The following ARAP2 variants were observed in gnomAD, a reference collection of about 807,000 sequenced individuals.
ARAP2 encodes ArfGAP with RhoGAP domain, ankyrin repeat and PH domain 2, also known as arf-GAP with Rho-GAP domain, ANK repeat and PH domain-containing protein 2.
ARAP2 carries 148 observed loss-of-function variants against 194.5 expected under a neutral mutation model. The ratio of observed to expected loss-of-function variants is 0.76; its 90% CI spans 0.67 to 0.87. ARAP2 has a LOEUF of 0.87. ARAP2 is among the 40% of genes least tolerant of loss of function. ARAP2 has a pLI of 0.00. For synonymous variants in ARAP2, 695 were observed against 683.5 expected (o/e 1.02, Z -0.26); for missense variants, 2,128 against 1,989.7 (o/e 1.07, Z -1.32).
At chr4:36,136,877 G>A (rs1411128810) in intron 19 of ARAP2, among the ~76,000 whole-genome samples, 1 of 148,912 alleles carries the variant, frequency 6.7e-6, no homozygotes, top group African/African-American at 2.5e-5. Context: ...AATTTCCTGA[G>A]CAACTTATTA....
intron 19 of ARAP2, among the ~76,000 whole-genome samples, chr4:36,135,282 C>G (rs1476927648): frequency 1.3e-5 from 2 of 151,716 alleles, no homozygotes; most frequent in African/African-American, 2.4e-5. Context: ...TTTTACATTT[C>G]TGATAATCAC....
intron 5 of ARAP2, among the ~76,000 whole-genome samples, chr4:36,042,843 CTTCTTT>C (rs1577636802): frequency 1.3e-5 from 2 of 149,240 alleles, no homozygotes; most frequent in African/African-American, 2.5e-5. Flanking sequence ...GCGTTTTTTT[CTTCTTT>C]TTTTTTTTTT....
intron 19 of ARAP2, among the ~76,000 whole-genome samples, chr4:36,144,708 A>C (rs1293426681): frequency 2.0e-5 from 3 of 151,880 alleles, no homozygotes; most frequent in Admixed American, 1.3e-4. Context: ...ACAGCAATAA[A>C]AATAATCAAA....
At chr4:36,220,247 G>T (rs1280227082) in intron 2 of ARAP2, among the ~76,000 whole-genome samples, 1 of 152,116 alleles carries the variant, frequency 6.6e-6, no homozygotes, top group Non-Finnish European at 1.5e-5. Context: ...GTGTGTGTGT[G>T]TGTACAGTCA....
chr4:36,111,078 G>A (rs1220941441), intron 26 of ARAP2, among the ~76,000 whole-genome samples: 1 of 151,864 alleles, frequency 6.6e-6, no homozygotes, highest in East Asian at 1.9e-4. Flanking sequence ...TGAATATAGA[G>A]AACTCCTGGT....
intron 23 of ARAP2, among the ~76,000 whole-genome samples, chr4:36,120,350 T>G (rs967065372): frequency 6.6e-5 from 10 of 151,620 alleles, no homozygotes; most frequent in Admixed American, 5.9e-4. Flanking sequence ...TATTTTGTTT[T>G]ATTAAAATAG....
chr4:36,127,566 G>A (rs1196633596), intron 21 of ARAP2, among the ~76,000 whole-genome samples: 3 of 151,830 alleles, frequency 2.0e-5, no homozygotes, highest in African/African-American at 7.3e-5. Context: ...TTTCAATGAG[G>A]AAAATTACTT....
intron 28 of ARAP2, among the ~76,000 whole-genome samples, chr4:36,089,047 C>T (rs12499109): frequency 0.14 from 20,820 of 152,004 alleles, 2,739 homozygotes; most frequent in African/African-American, 0.34. Flanking sequence ...CTGCATACCC[C>T]CATGTGACCA....
At chr4:36,014,300 G>GAAA (rs1560264638) in intron 8 of ARAP2, among the ~76,000 whole-genome samples, 1 of 74,518 alleles carries the variant, frequency 1.3e-5, no homozygotes, top group Non-Finnish European at 2.5e-5. Context: ...AAAGAAAGAA[G>GAAA]AGAAGGAAGG....
chr4:36,162,139 A>AATAT (rs10600105), intron 11 of ARAP2, among the ~76,000 whole-genome samples: 1 of 146,840 alleles, frequency 6.8e-6, no homozygotes, highest in South Asian at 2.1e-4. Context: ...CACTTACTTA[A>AATAT]ATATATATAT....
Position 36,074,703 on chromosome 4 carries a change from T to C in ARAP2, c.4609-880A>G, listed in dbSNP as rs1727831065. ...ATGAAATGAAAACCATTTAGTAAAC[T>C]ATATAGCTAAATGCCTACTCTTTAT... On this transcript the variant is annotated intron_variant, in intron 31 of 32. Coordinates refer to ENST00000303965, the MANE Select transcript of ARAP2 (RefSeq NM_015230.4). Among the ~76,000 whole-genome samples, 4 of 152,098 alleles carry C rather than the reference T, an allele frequency of 2.6e-5. No individual in the cohort carries two copies. In the South Asian group the frequency reaches 8.3e-4, roughly 31 times the overall value.
intron 5 of ARAP2, among the ~76,000 whole-genome samples, chr4:36,024,183 T>C (rs561342088): frequency 1.8e-4 from 28 of 152,248 alleles, no homozygotes; most frequent in African/African-American, 6.0e-4. Flanking sequence ...CTAGCAACTA[T>C]AGGGTGAATA....
rs1056517381 is a variant in ARAP2 at position 36,160,451 on chromosome 4, T to C, written c.2442+8A>G. On this transcript the variant is annotated splice_region_variant and intron_variant, in intron 13 of 32. Transcript: ENST00000303965. ...AATCCACGTCTGCTGTTATGTTTAA[T>C]TGAATACCTTATTTAATTCTTCTTT... 4 of 1,535,044 alleles carry C rather than the reference T, an allele frequency of 2.6e-6. No homozygotes were observed. The highest frequency in any genetic ancestry group is 1.4e-5 in the African/African-American group (1 of 69,952).
At chr4:36,107,524 A>AGG in intron 27 of ARAP2, 41 bp downstream of exon 27, 2 of 1,567,494 alleles carry the variant, frequency 1.3e-6, no homozygotes, top group Non-Finnish European at 1.7e-6. Context: ...TAACCACTTG[A>AGG]ATTTTCAATC....
chr4:36,127,063 C>T (rs1724104389), intron 21 of ARAP2, among the ~76,000 whole-genome samples: 1 of 151,952 alleles, frequency 6.6e-6, no homozygotes, highest in African/African-American at 2.4e-5. Flanking sequence ...CTCAAACTCC[C>T]GGCCTCAAGC....
intron 5 of ARAP2, among the ~76,000 whole-genome samples, chr4:36,041,742 T>G (rs1720902409): frequency 6.6e-6 from 1 of 152,236 alleles, no homozygotes; most frequent in African/African-American, 2.4e-5. Context: ...ATTGCATCAC[T>G]ATTCAAAATA....
Position 36,121,210 on chromosome 4 carries a change from T to A in ARAP2, c.3863A>T (p.Asp1288Val). ...QTSEEVNVIEDLINNYVEIFE... is the reference protein window; with the variant it reads ...QTSEEVNVIEVLINNYVEIFE... Reference sequence around the variant, plus strand: ...TATTTCTACATAATTATTAATTAGGTCCTCAATTACATTCACTTCTTCACT... The same window carrying A: ...TATTTCTACATAATTATTAATTAGGACCTCAATTACATTCACTTCTTCACT... Residue 1288 changes from aspartate to valine, a missense_variant, in exon 23 of 33, where the codon GAC (aspartate) becomes GTC (valine). Coordinates refer to ENST00000303965, the MANE Select transcript of ARAP2 (RefSeq NM_015230.4). 6.2e-7 allele frequency: 1 copy of A among 1,602,052 alleles called. No individual in the cohort carries two copies. Among genetic ancestry groups the A allele is most frequent in the Non-Finnish European group, 8.5e-7 (1 of 1,173,514 alleles).
chr4:36,107,703 A>G lies in ARAP2; in HGVS notation c.4157-10T>C, dbSNP rs963204150. 5.7e-6 allele frequency: 9 copies of G among 1,581,514 alleles called. No individual in the cohort carries two copies. Among genetic ancestry groups the G allele is most frequent in the South Asian group, 4.7e-5 (4 of 84,572 alleles). ...TAGTGAAGAGGACGCTCTGTAAAAAATAAATTCCAAATCAAATGGAAAATA... is the reference window on the plus strand; with the variant it reads ...TAGTGAAGAGGACGCTCTGTAAAAAGTAAATTCCAAATCAAATGGAAAATA... On this transcript the variant is annotated splice_polypyrimidine_tract_variant and intron_variant, in intron 26 of 32. Transcript: ENST00000303965.
intron 27 of ARAP2, among the ~76,000 whole-genome samples, chr4:36,100,275 C>T (rs906733942): frequency 1.3e-5 from 2 of 152,022 alleles, no homozygotes; most frequent in African/African-American, 4.8e-5. Flanking sequence ...ATTGTTATCT[C>T]TCACATATTA....
Sources: gnomAD v4.1 joint callset for allele counts (sites outside exome capture counted in the v4.1 genomes callset) on GRCh38, gnomAD v4.1.1 for gene constraint, MANE v1.5 for transcripts, NCBI Gene and HGNC (gene_info 2026-07-23, HGNC 2026-07-21) for gene names.